Variants in ITPR1 observed in about 807,000 individuals in gnomAD.
ITPR1 encodes inositol 1,4,5-trisphosphate receptor type 1.
In ITPR1, 96 loss-of-function variants were observed where a neutral mutation model predicts 318.4. The observed-to-expected ratio is 0.30, with a 90% CI of 0.26 to 0.36. ITPR1 has a LOEUF of 0.36. ITPR1 is among the 10% of genes least tolerant of loss of function. The pLI is 1.00. For synonymous variants in ITPR1, 1,312 were observed against 1,289.9 expected, an observed-to-expected ratio of 1.02 and a Z score of -0.37; for missense variants, 2,440 against 3,460.2, an observed-to-expected ratio of 0.71 and a Z score of 7.40.
chr3:4,577,117 G>A lies in ITPR1; in HGVS notation c.164-50646G>A, dbSNP rs148584213. Among the ~76,000 whole-genome samples the A allele has an allele frequency of 9.2e-3, 1,400 of 152,290 alleles. 10 individuals are homozygous for A. The highest frequency in any genetic ancestry group is 0.024 in the Middle Eastern group (7 of 294). On this transcript the variant is annotated intron_variant, in intron 4 of 61. Coordinates refer to ENST00000649015, the MANE Select transcript of ITPR1 (RefSeq NM_001378452.1). ...TTCCCCACGCTGCCAGTTATATGTGGTAGAGTTGCATTCCACAGACCCCCC... is the reference window on the plus strand; with the variant it reads ...TTCCCCACGCTGCCAGTTATATGTGATAGAGTTGCATTCCACAGACCCCCC...
intron 4 of ITPR1, among the ~76,000 whole-genome samples, chr3:4,546,760 CTTT>C (rs11349589): frequency 6.5e-5 from 9 of 138,132 alleles, no homozygotes; most frequent in East Asian, 4.2e-4. Context: ...CAACTCTGAC[CTTT>C]TTTTTTTTTT....
intron 4 of ITPR1, among the ~76,000 whole-genome samples, chr3:4,604,496 G>A (rs1235486482): frequency 6.6e-6 from 1 of 152,186 alleles, no homozygotes; most frequent in Non-Finnish European, 1.5e-5. Context: ...GGGATGGGGT[G>A]TTCAATTCTG....
intron 4 of ITPR1, among the ~76,000 whole-genome samples, chr3:4,624,661 C>T (rs2092761785): frequency 7.7e-6 from 1 of 130,682 alleles, no homozygotes; most frequent in Admixed American, 8.1e-5. Context: ...CAGAGCCAGG[C>T]TCTGTCTCCA....
In ITPR1 at chr3:4,642,261, G is replaced by T. The variant is rs2125153147; in HGVS notation, c.525+10G>T. The T allele has an allele frequency of 1.3e-6, 2 of 1,513,750 alleles. No individual in the cohort carries two copies. Among genetic ancestry groups the T allele is most frequent in the Non-Finnish European group, 1.8e-6 (2 of 1,130,658 alleles). The allele number at this position is 1,513,750 out of a possible 1,614,324, so 93.8% of individuals were successfully genotyped here. A position where few individuals can be genotyped will look rare whatever the true frequency, so the allele number is the denominator to read the frequency against. ...ATCCATTGGAGACAGCGTAAGTGCGGATTCTCCACCTAGAAAGTCTTCCGT... is the reference window on the plus strand; with the variant it reads ...ATCCATTGGAGACAGCGTAAGTGCGTATTCTCCACCTAGAAAGTCTTCCGT... On this transcript the variant is annotated intron_variant, in intron 7 of 61. Transcript: ENST00000649015.
chr3:4,593,240 G>A (rs1295093223), intron 4 of ITPR1, among the ~76,000 whole-genome samples: 1 of 152,126 alleles, frequency 6.6e-6, no homozygotes, highest in Non-Finnish European at 1.5e-5. Flanking sequence ...TTACCTGTTG[G>A]TTTCATGGGT....
At chr3:4,536,955 T>G (rs950863733) in intron 4 of ITPR1, among the ~76,000 whole-genome samples, 1 of 115,366 alleles carries the variant, frequency 8.7e-6, no homozygotes, top group Non-Finnish European at 1.7e-5. Context: ...GGGGATTTTT[T>G]GGGGTCAATC....
In ITPR1 at chr3:4,843,826, G is replaced by A. The variant is rs377111315; in HGVS notation, c.8191-2313G>A. On this transcript the variant is annotated intron_variant, in intron 61 of 61. Transcript: ENST00000649015. ...AGGCCGCGGCTGTGGAAGTGAAAAG[G>A]AAGCCAGGCCACCAACTGAAGACTC... Among the ~76,000 whole-genome samples, 3 of 150,936 alleles carry A rather than the reference G, an allele frequency of 2.0e-5. No individual in the cohort carries two copies. In the East Asian group the frequency reaches 5.8e-4, roughly 29 times the overall value.
chr3:4,609,089 T>TATATATATACACAC (rs1171860541), intron 4 of ITPR1, among the ~76,000 whole-genome samples: 100 of 91,872 alleles, frequency 1.1e-3, no homozygotes, highest in African/African-American at 3.5e-3. Flanking sequence ...TATATATATA[T>TATATATATACACAC]ACACACACAC....
At chr3:4,583,377 C>T (rs998000787) in intron 4 of ITPR1, among the ~76,000 whole-genome samples, 8 of 152,036 alleles carry the variant, frequency 5.3e-5, no homozygotes, top group African/African-American at 9.7e-5. Flanking sequence ...CATGGACACC[C>T]GTTCCAGTTT....
At chr3:4,554,361 C>T (rs1372656684) in intron 4 of ITPR1, among the ~76,000 whole-genome samples, 3 of 152,126 alleles carry the variant, frequency 2.0e-5, no homozygotes, top group Non-Finnish European at 4.4e-5. Context: ...CATTTTTTGC[C>T]GAGTCGCAGA....
intron 54 of ITPR1, 108 bp from the exon 55 acceptor site, chr3:4,805,995 T>G: frequency 1.1e-6 from 1 of 944,322 alleles, no homozygotes; most frequent in Non-Finnish European, 1.5e-6. Context: ...AAGGAAGCGT[T>G]TGTTTGGGCA....
chr3:4,715,084 C>T (rs371561789), intron 39 of ITPR1, among the ~76,000 whole-genome samples: 2 of 152,200 alleles, frequency 1.3e-5, no homozygotes, highest in Non-Finnish European at 1.5e-5. Flanking sequence ...CTATTTTATA[C>T]GCAAGGAAGA....
chr3:4,587,119 CAG>C (rs959962290), intron 4 of ITPR1, among the ~76,000 whole-genome samples: 14 of 152,130 alleles, frequency 9.2e-5, no homozygotes, highest in African/African-American at 3.4e-4. Context: ...TGCATTAAGG[CAG>C]AGTTTCTCAA....
At chr3:4,588,016 T>C (rs904211618) in intron 4 of ITPR1, among the ~76,000 whole-genome samples, 1 of 152,132 alleles carries the variant, frequency 6.6e-6, no homozygotes, top group South Asian at 2.1e-4. Context: ...GTATTGATTT[T>C]CCCCCCTCTT....
chr3:4,813,796 T>C (rs959836860), intron 57 of ITPR1, among the ~76,000 whole-genome samples: 2 of 152,206 alleles, frequency 1.3e-5, no homozygotes, highest in Non-Finnish European at 2.9e-5. Context: ...AAGGATCTTC[T>C]ATGTCAGGCG....
At chr3:4,769,731 C>G (rs2046065732) in intron 46 of ITPR1, among the ~76,000 whole-genome samples, 1 of 152,140 alleles carries the variant, frequency 6.6e-6, no homozygotes, top group South Asian at 2.1e-4. Context: ...GGACTTGAAC[C>G]CAGGTAGTCT....
chr3:4,810,162 G>C (rs2048842161), intron 55 of ITPR1, among the ~76,000 whole-genome samples: 1 of 152,186 alleles, frequency 6.6e-6, no homozygotes, highest in Admixed American at 6.5e-5. Context: ...CAAATTAAAA[G>C]CAGTCAGGAT....
chr3:4,587,636 CA>C (rs2090037839), intron 4 of ITPR1, among the ~76,000 whole-genome samples: 1 of 152,144 alleles, frequency 6.6e-6, no homozygotes, highest in South Asian at 2.1e-4. Context: ...CTTACCCTTT[CA>C]GTCTATTTAG....
intron 4 of ITPR1, among the ~76,000 whole-genome samples, chr3:4,579,551 T>A (rs1233868564): frequency 6.6e-6 from 1 of 152,250 alleles, no homozygotes; most frequent in African/African-American, 2.4e-5. Flanking sequence ...CTGGCTTTGC[T>A]TAGAGAAAGG....
Sources: allele counts gnomAD v4.1 joint callset (sites outside exome capture counted in the v4.1 genomes callset), GRCh38; gene constraint gnomAD v4.1.1; transcripts MANE v1.5; gene names NCBI Gene and HGNC (gene_info 2026-07-23, HGNC 2026-07-21).